The following BYSL variants were observed in gnomAD, a reference collection of about 807,000 sequenced individuals.
BYSL encodes bystin like, also known as bystin.
Under a neutral mutation model 45.4 loss-of-function variants are expected in BYSL, and 21 were observed. That is an observed-to-expected ratio of 0.46 (90% CI 0.33 to 0.67). The LOEUF is 0.67. Among genes scored for constraint, BYSL ranks in the 30% least tolerant of loss-of-function variants. The pLI is 0.02. For synonymous variants in BYSL, 215 were observed against 231.3 expected, an observed-to-expected ratio of 0.93 and a Z score of 0.64; for missense variants, 522 against 578.5, an observed-to-expected ratio of 0.90 and a Z score of 1.00.
intron 2 of BYSL, among the ~76,000 whole-genome samples, chr6:41,927,805 G>A (rs1775584457): frequency 6.6e-6 from 1 of 152,164 alleles, no homozygotes; most frequent in Non-Finnish European, 1.5e-5. Context: ...ACACCTCTGG[G>A]GAGAGCCATC....
rs749342889 is a variant in BYSL at position 41,930,209 on chromosome 6, C to T, written c.509C>T (p.Ser170Leu). 13 of 1,614,024 alleles carry T rather than the reference C, an allele frequency of 8.1e-6. No homozygotes were observed. The South Asian group carries it at 8.8e-5, about 11-fold the overall frequency. Reference sequence around the variant, plus strand: ...GTTGAGACAGTCATGTCAGAGGTGTCGGGCTTCCCTATGCCCCAGCTGGAC... The same window carrying T: ...GTTGAGACAGTCATGTCAGAGGTGTTGGGCTTCCCTATGCCCCAGCTGGAC... ...TEVETVMSEV[S>L]GFPMPQLDPR... is the part of the protein sequence containing the mutation. Residue 170 changes from serine (S) to leucine (L), a missense_variant, in exon 3 of 7, where the codon TCG (serine) becomes TTG (leucine). Coordinates refer to ENST00000230340, the MANE Select transcript of BYSL (RefSeq NM_004053.4).
At position 41,921,543 on chromosome 6, in the gene BYSL, C is replaced by T; in HGVS notation, c.-20C>T. The T allele has an allele frequency of 6.4e-7, 1 of 1,552,188 alleles. No individual in the cohort carries two copies. The highest frequency in any genetic ancestry group is 2.3e-5 in the East Asian group (1 of 44,044). On this transcript the variant is annotated 5_prime_UTR_variant, in exon 1 of 7. Coordinates refer to ENST00000230340, the MANE Select transcript of BYSL (RefSeq NM_004053.4). ...TTCAGTCCCCACGTGCGATCCTTCC[C>T]GGCAACTTTTTCGAGAAAAATGCCC... is the stretch of plus-strand genomic sequence containing the variant.
At chr6:41,921,118 T>G (rs1582068099), upstream of BYSL, 1 of 1,469,056 alleles carries the variant, frequency 6.8e-7, no homozygotes. Context: ...ACCTTCTGTC[T>G]CAGAAGGGAC....
chr6:41,911,999 C>T, the BYSL span, among the ~76,000 whole-genome samples: 2 of 151,816 alleles, frequency 1.3e-5, no homozygotes, highest in Non-Finnish European at 2.9e-5. Context: ...TGTGTGTGCG[C>T]TTAATGAAGA....
intron 1 of BYSL, among the ~76,000 whole-genome samples, chr6:41,924,129 C>T (rs1259903431): frequency 3.3e-5 from 5 of 151,196 alleles, no homozygotes; most frequent in African/African-American, 9.8e-5. Context: ...ACCACGATCT[C>T]GGCTCACTGC....
chr6:41,921,019 G>C, upstream of BYSL: 1 of 1,613,122 alleles, frequency 6.2e-7, no homozygotes, highest in East Asian at 2.2e-5. Context: ...TCACTCCCAT[G>C]GCGTCGGGCC....
At chr6:41,915,631 C>G in the BYSL span, among the ~76,000 whole-genome samples, 4 of 152,238 alleles carry the variant, frequency 2.6e-5, no homozygotes, top group Admixed American at 1.3e-4. Context: ...ACTAAAAATA[C>G]AAAAAATTAG....
chr6:41,917,291 G>A (rs905483543), upstream of BYSL: 7 of 173,660 alleles, frequency 4.0e-5, no homozygotes, highest in South Asian at 2.3e-4. Flanking sequence ...TCCCAACTAC[G>A]TGGGAGGCTC....
At position 41,932,865 on chromosome 6, in the gene BYSL, C is replaced by G. The variant is rs979266824; in HGVS notation, c.*159C>G. The stretch of plus-strand genomic sequence containing the variant: ...GGCTCCCAGTCCAGGACAGGAAGGA[C>G]TGAGGGTCTGGCTGGTTCCCTCTTC... On this transcript the variant is annotated 3_prime_UTR_variant, in exon 7 of 7. Coordinates refer to ENST00000230340, the MANE Select transcript of BYSL (RefSeq NM_004053.4). This position sits in a 1 kb window ranked among gnomAD's most constrained non-coding sequence, Gnocchi z 4.7. 1.0e-5 allele frequency: 8 copies of G among 802,648 alleles called. No individual in the cohort carries two copies. The highest frequency in any genetic ancestry group is 1.3e-5 in the Non-Finnish European group (7 of 522,224). 49.7% of individuals were successfully genotyped at this position (802,648 alleles called of 1,614,324 possible). A position where few individuals can be genotyped will look rare whatever the true frequency, so the allele number is the denominator to read the frequency against.
intron 1 of BYSL, 108 bp downstream of exon 1, chr6:41,921,938 C>T (rs539069247): frequency 2.8e-6 from 4 of 1,407,800 alleles, no homozygotes; most frequent in Middle Eastern, 2.6e-4. Flanking sequence ...CAAAGGGGTC[C>T]GTATTACACT....
At position 41,928,031 on chromosome 6, in the gene BYSL, A is replaced by G. The variant is rs80085578; in HGVS notation, c.431+495A>G. Among the ~76,000 whole-genome samples the G allele has an allele frequency of 9.9e-3, 1,511 of 152,308 alleles. 21 individuals carry two copies. The highest frequency in any genetic ancestry group is 0.035 in the African/African-American group (1,450 of 41,554). ...CTGATCTCTACTTCTAGACTCCAGT[A>G]GCAACCTTCCCCCAGTTGTGAAAAC... is the stretch of plus-strand genomic sequence containing the variant. On this transcript the variant is annotated intron_variant, in intron 2 of 6. Coordinates refer to ENST00000230340, the MANE Select transcript of BYSL (RefSeq NM_004053.4).
Position 41,930,654 on chromosome 6 carries a change from G to C in BYSL, c.590G>C (p.Ser197Thr). 1 of 1,612,978 alleles carries C rather than the reference G, an allele frequency of 6.2e-7. No homozygotes were observed. Among genetic ancestry groups the C allele is most frequent in the Non-Finnish European group, 8.5e-7 (1 of 1,179,630 alleles). Reference protein sequence around the residue: ...GVREVLSKYRSGKLPKAFKII... With the variant: ...GVREVLSKYRTGKLPKAFKII... ...CCCTAGGTATTATCTAAGTACCGCAGTGGAAAACTGCCCAAGGCATTTAAG... is the reference window on the plus strand; with the variant it reads ...CCCTAGGTATTATCTAAGTACCGCACTGGAAAACTGCCCAAGGCATTTAAG... The change falls in exon 4 of 7, where the codon AGT becomes ACT. Residue 197 changes from serine (S) to threonine (T), a missense_variant. By Grantham distance (58) the Ser-to-Thr change is moderately conservative (BLOSUM62 1). Transcript: ENST00000230340.
chr6:41,927,303 CTAAAGT>C (rs1775576737), intron 1 of BYSL, 65 bp from the exon 2 acceptor site: 6 of 1,570,326 alleles, frequency 3.8e-6, no homozygotes, highest in Non-Finnish European at 5.2e-6. Flanking sequence ...TACATAATGG[CTAAAGT>C]TAAACTGACG....
chr6:41,926,153 CCTT>C (rs996378941), intron 1 of BYSL, among the ~76,000 whole-genome samples: 4 of 152,230 alleles, frequency 2.6e-5, no homozygotes, highest in Admixed American at 6.5e-5. Flanking sequence ...GGAACACACT[CCTT>C]CTGCTCCCAA....
the BYSL span, among the ~76,000 whole-genome samples, chr6:41,915,046 T>G: frequency 6.6e-6 from 1 of 152,220 alleles, no homozygotes; most frequent in Non-Finnish European, 1.5e-5. Flanking sequence ...AATCTGGAAC[T>G]CTAACAAGTA....
Position 41,921,785 on chromosome 6 carries a change from ACTGGGGACAAGCCCG to A in BYSL, c.225_239del (p.Gly76_Ala80del). ...GGAGGAACTCGAGGCCGAGCATGGG[ACTGGGGACAAGCCCG>A]CGGCGCCGCGGGAACGCACCACGCG... On this transcript the variant is annotated inframe_deletion, in exon 1 of 7. Transcript: ENST00000230340. The A allele has an allele frequency of 6.2e-7, 1 of 1,612,958 alleles. No individual in the cohort carries two copies. Among genetic ancestry groups the A allele is most frequent in the Non-Finnish European group, 8.5e-7 (1 of 1,179,762 alleles).
At chr6:41,918,718 C>T (rs1236442570), upstream of BYSL, among the ~76,000 whole-genome samples, 4 of 151,156 alleles carry the variant, frequency 2.6e-5, no homozygotes, top group South Asian at 2.1e-4. Context: ...GAGGCCGAGG[C>T]GGGTGGATCA....
At chr6:41,909,168 T>G in the BYSL span, 2 of 1,428,270 alleles carry the variant, frequency 1.4e-6, no homozygotes, top group Admixed American at 4.5e-5. Flanking sequence ...AACAAGACTC[T>G]GTCTCAAAAA....
upstream of BYSL, among the ~76,000 whole-genome samples, chr6:41,919,772 T>C (rs143546450): frequency 2.5e-3 from 375 of 152,032 alleles, 3 homozygotes; most frequent in African/African-American, 8.6e-3. Flanking sequence ...TCTATTTCTT[T>C]AAAAAAAAGA....
Sources: allele counts gnomAD v4.1 joint callset (sites outside exome capture counted in the v4.1 genomes callset), GRCh38; gene constraint gnomAD v4.1.1; non-coding constraint Gnocchi (gnomAD v3.1); transcripts MANE v1.5; gene names NCBI Gene and HGNC (gene_info 2026-07-23, HGNC 2026-07-21).